The following OVCH2 variants were observed in gnomAD, a reference collection of about 807,000 sequenced individuals.
The protein encoded by OVCH2 is ovochymase 2.
In OVCH2, 88 loss-of-function variants were observed where a neutral mutation model predicts 73.7. The observed-to-expected ratio is 1.19, with a 90% CI of 1.01 to 1.43. The LOEUF (loss-of-function observed/expected upper bound fraction) is 1.43, where lower values mean the gene tolerates loss of function less well. Ranked by LOEUF, OVCH2 falls within the 40% of genes most tolerant of loss-of-function variation. The probability of loss-of-function intolerance (pLI) is 0.00; values close to 1 mark genes in which losing one functional copy is unlikely to be tolerated. For synonymous variants in OVCH2, 265 were observed against 234.5 expected, an observed-to-expected ratio of 1.13 and a Z score of -1.19; for missense variants, 706 against 674.5, an observed-to-expected ratio of 1.05 and a Z score of -0.52.
At position 7,689,956 on chromosome 11, in the gene OVCH2, C is replaced by T. The variant is rs1399660602; in HGVS notation, c.1697G>A (p.Ter566=). 1.3e-6 allele frequency: 2 copies of T among 1,524,702 alleles called. No homozygotes were observed. The allele number at this position is 1,524,702 out of a possible 1,614,324, so 94.4% of individuals were successfully genotyped here. A position where few individuals can be genotyped will look rare whatever the true frequency, so the allele number is the denominator to read the frequency against. The change falls in exon 15 of 16, where the codon TGA becomes TAA. Residue 566 remains the stop codon, a stop_retained_variant. Coordinates refer to ENST00000533663, the MANE Select transcript of OVCH2 (RefSeq NM_198185.7). ...SEDESMFLET[*] ...ATTGGTTTCTCCATTTGGCACATCT[C>T]ATGTCTCCAGAAACATTGATTCATC... is the stretch of plus-strand genomic sequence containing the variant.
Position 7,695,583 on chromosome 11 carries a change from T to C in OVCH2, c.1269A>G (p.Pro423=), listed in dbSNP as rs779094889. The C allele has an allele frequency of 1.2e-6, 2 of 1,613,302 alleles. No individual in the cohort carries two copies. Among genetic ancestry groups the C allele is most frequent in the South Asian group, 2.2e-5 (2 of 90,950 alleles). Residue 423 remains proline, a synonymous_variant, in exon 11 of 16, where the codon CCA becomes CCG. Transcript: ENST00000533663. The part of the protein sequence containing the change: ...GFNLTYKALK[P]NYIPDSGCSY... ...AAATGGTTTTACCAGGAATGTAGTT[T>C]GGTTTAAGAGCTTTATAGGTAAGAT...
chr11:7,696,441 T>C lies in OVCH2; in HGVS notation c.1141+24A>G, dbSNP rs4128579. 194 of 1,613,758 alleles carry C rather than the reference T, an allele frequency of 1.2e-4. 1 individual carries two copies. In the South Asian group the frequency reaches 1.9e-3, roughly 16 times the overall value. ...AAGCCCACTTGGCACTGGTTTCCATTTGACACTGTGAAAATCCACTCACCA... is the reference window on the plus strand; with the variant it reads ...AAGCCCACTTGGCACTGGTTTCCATCTGACACTGTGAAAATCCACTCACCA... On this transcript the variant is annotated intron_variant, in intron 10 of 15. Coordinates refer to ENST00000533663, the MANE Select transcript of OVCH2 (RefSeq NM_198185.7).
chr11:7,685,188 C>T (rs1386352119), downstream of OVCH2, among the ~76,000 whole-genome samples: 2 of 151,986 alleles, frequency 1.3e-5, no homozygotes, highest in African/African-American at 4.8e-5. Context: ...GCAGGGTCCC[C>T]CAGGAGGGCT....
rs764146762 is a variant in OVCH2 at position 7,701,333 on chromosome 11, G to A, written c.702C>T (p.Asp234=). 4.1e-5 allele frequency: 66 copies of A among 1,611,808 alleles called. No individual in the cohort carries two copies. The highest frequency in any genetic ancestry group is 1.3e-4 in the East Asian group (6 of 44,782). The change falls in exon 6 of 16, where the codon GAC becomes GAT. Residue 234 remains aspartate, a synonymous_variant. Transcript: ENST00000533663. ...LCTGFPDGGR[D]ACQGDSGGSL... ...CGCAGCTCCCACCCACCTGACATGC[G>A]TCTCTCCCTCCATCAGGAAAACCTG...
At chr11:7,689,033 T>G (rs1325293461), downstream of OVCH2, among the ~76,000 whole-genome samples, 1 of 152,194 alleles carries the variant, frequency 6.6e-6, no homozygotes, top group Admixed American at 6.5e-5. Flanking sequence ...TGAAGCTCCA[T>G]GTGATGGCTT....
At position 7,695,067 on chromosome 11, in the gene OVCH2, G is replaced by C; in HGVS notation, c.1404C>G (p.His468Gln). 1 of 1,549,964 alleles carries C rather than the reference G, an allele frequency of 6.5e-7. No homozygotes were observed. The highest frequency in any genetic ancestry group is 8.7e-7 in the Non-Finnish European group (1 of 1,146,618). ...CAGCCAAAGTCAATACCTTAATTAGGTGATGTTTGGAGGCTTGAAAAATCC... is the reference window on the plus strand; with the variant it reads ...CAGCCAAAGTCAATACCTTAATTAGCTGATGTTTGGAGGCTTGAAAAATCC... ...CDWIFQASKH[H>Q]LIKLSFQSLE... is the part of the protein sequence containing the mutation. The change falls in exon 12 of 16, where the codon CAC becomes CAG. Residue 468 changes from histidine to glutamine, a missense_variant. Transcript: ENST00000533663.
At chr11:7,692,990 T>A (rs1364908006) in intron 12 of OVCH2, among the ~76,000 whole-genome samples, 1 of 152,218 alleles carries the variant, frequency 6.6e-6, no homozygotes, top group African/African-American at 2.4e-5. Flanking sequence ...ATTCCCTGCA[T>A]GGGGCACTTG....
chr11:7,699,964 A>G (rs1437747604), intron 7 of OVCH2: 5 of 207,362 alleles, frequency 2.4e-5, no homozygotes, highest in East Asian at 2.3e-4. Context: ...AAGTGGTGCC[A>G]TCGTGTAATG....
intron 8 of OVCH2, among the ~76,000 whole-genome samples, chr11:7,697,724 C>G (rs1297224393): frequency 6.6e-6 from 1 of 152,072 alleles, no homozygotes; most frequent in Non-Finnish European, 1.5e-5. Context: ...GTTTCTATTC[C>G]TTCCTTTTCA....
chr11:7,689,871 T>A, intron 15 of OVCH2, 53 bp downstream of exon 15: 1 of 1,126,474 alleles, frequency 8.9e-7, no homozygotes, highest in Non-Finnish European at 1.3e-6. Context: ...GCTTCTCCGG[T>A]TGAACCCTGG....
chr11:7,697,550 TA>T (rs1224608084), intron 8 of OVCH2, among the ~76,000 whole-genome samples: 3 of 152,234 alleles, frequency 2.0e-5, no homozygotes, highest in African/African-American at 7.2e-5. Context: ...CTCAATATGC[TA>T]TAAATAGAAT....
At chr11:7,682,674 G>C in the OVCH2 span, among the ~76,000 whole-genome samples, 5 of 152,216 alleles carry the variant, frequency 3.3e-5, no homozygotes, top group African/African-American at 1.2e-4. Context: ...TGCCCCAGCA[G>C]TTTTCTCTTT....
chr11:7,702,184 A>G lies in OVCH2; in HGVS notation c.436T>C (p.Leu146=), dbSNP rs767714810. ...AATTGGAAGGCTCCAGCCATCTTCA[A>G]AAGGGCAATATCATAGTCCATTGGT... ...KKPMDYDIAL[L]KMAGAFQFGH... is the part of the protein sequence containing the mutation. The change falls in exon 4 of 16, where the codon TTG becomes CTG. Residue 146 remains leucine (L), a synonymous_variant. Coordinates refer to ENST00000533663, the MANE Select transcript of OVCH2 (RefSeq NM_198185.7). The G allele has an allele frequency of 1.9e-6, 3 of 1,611,984 alleles. No individual in the cohort carries two copies. In the East Asian group the frequency reaches 6.7e-5, roughly 36 times the overall value.
intron 12 of OVCH2, 119 bp downstream of exon 12, chr11:7,694,939 G>A (rs1856298614): frequency 8.2e-7 from 1 of 1,219,002 alleles, no homozygotes; most frequent in East Asian, 2.6e-5. Flanking sequence ...CAGGTGCTGG[G>A]TTCTAGGTAC....
rs190713812 is a variant in OVCH2 at position 7,696,960 on chromosome 11, G to A, written c.926-161C>T. The A allele has an allele frequency of 3.6e-4, 232 of 651,384 alleles. No individual in the cohort carries two copies. The African/African-American group carries it at 3.9e-3, about 11-fold the overall frequency. 40.4% of individuals were successfully genotyped at this position (651,384 alleles called of 1,614,324 possible). On this transcript the variant is annotated intron_variant, in intron 8 of 15. Coordinates refer to ENST00000533663, the MANE Select transcript of OVCH2 (RefSeq NM_198185.7). Reference sequence around the variant, plus strand: ...GTCTTTGCTTCTATGATGCCTTTTTGGTTCCTTTTAGATCCTGCTTAACCT... The same window carrying A: ...GTCTTTGCTTCTATGATGCCTTTTTAGTTCCTTTTAGATCCTGCTTAACCT...
chr11:7,701,181 CT>C, intron 6 of OVCH2, 142 bp downstream of exon 6: 3 of 1,117,088 alleles, frequency 2.7e-6, no homozygotes, highest in Non-Finnish European at 3.7e-6. Flanking sequence ...ACCCTTATAG[CT>C]TCTTCAAGAC....
chr11:7,698,956 A>G (rs1856384973), intron 7 of OVCH2, 183 bp from the exon 8 acceptor site: 1 of 578,994 alleles, frequency 1.7e-6, no homozygotes, highest in Non-Finnish European at 3.0e-6. Flanking sequence ...TGGTGTTTTA[A>G]AATGATTTAA....
intron 1 of OVCH2, among the ~76,000 whole-genome samples, chr11:7,706,009 G>A (rs973080705): frequency 8.6e-5 from 13 of 152,038 alleles, no homozygotes; most frequent in African/African-American, 3.1e-4. Context: ...AACCAAGATG[G>A]GATTATGTAA....
At chr11:7,691,651 A>G (rs936131708) in intron 13 of OVCH2, among the ~76,000 whole-genome samples, 2 of 152,178 alleles carry the variant, frequency 1.3e-5, no homozygotes, top group African/African-American at 2.4e-5. Flanking sequence ...ACTTGTTTCA[A>G]TGGAACTTTC....
Sources: gnomAD v4.1 joint callset for allele counts (sites outside exome capture counted in the v4.1 genomes callset) on GRCh38, gnomAD v4.1.1 for gene constraint, MANE v1.5 for transcripts, NCBI Gene and HGNC (gene_info 2026-07-23, HGNC 2026-07-21) for gene names.